ABCC8: variants seen among roughly 807,000 people sequenced by gnomAD.
The protein encoded by ABCC8 is ATP binding cassette subfamily C member 8, also known as ATP-binding cassette sub-family C member 8.
In ABCC8, 137 loss-of-function variants were observed where a neutral mutation model predicts 188.0. The ratio of observed to expected loss-of-function variants is 0.73; its 90% confidence interval spans 0.63 to 0.84. ABCC8 has a LOEUF of 0.84. ABCC8 is among the 40% of genes least tolerant of loss of function. ABCC8 has a pLI of 0.00. For missense variants in ABCC8, 1,750 were observed against 2,072.7 expected, an observed-to-expected ratio of 0.84 and a Z score of 3.02; for synonymous variants, 797 against 846.5, an observed-to-expected ratio of 0.94 and a Z score of 1.01.
intron 19 of ABCC8, among the ~76,000 whole-genome samples, chr11:17,413,836 G>T (rs2133475472): frequency 6.6e-6 from 1 of 152,300 alleles, no homozygotes; most frequent in Non-Finnish European, 1.5e-5. Context: ...CAGTAATGAT[G>T]ATGGCTGGTC....
At chr11:17,430,619 C>G in intron 12 of ABCC8, 195 bp downstream of exon 12, 1 of 715,636 alleles carries the variant, frequency 1.4e-6, no homozygotes, top group East Asian at 2.5e-5. Context: ...TAAGCAAGTC[C>G]TTGCTCAGGG....
chr11:17,460,865 C>T, intron 5 of ABCC8, 189 bp from the exon 6 acceptor site: 1 of 1,192,200 alleles, frequency 8.4e-7, no homozygotes, highest in South Asian at 1.5e-5. Context: ...CTATCAACAC[C>T]AACATGGTCT....
chr11:17,425,648 T>C (rs1955546627), intron 16 of ABCC8, among the ~76,000 whole-genome samples: 1 of 152,170 alleles, frequency 6.6e-6, no homozygotes, highest in Admixed American at 6.5e-5. Flanking sequence ...ATTTCTCAGT[T>C]CCTATTTTCT....
intron 11 of ABCC8, among the ~76,000 whole-genome samples, chr11:17,431,229 G>A (rs1473108748): frequency 6.6e-6 from 1 of 152,260 alleles, no homozygotes; most frequent in African/African-American, 2.4e-5. Context: ...CTGGGAATAA[G>A]CAGGGAGGAG....
intron 7 of ABCC8, among the ~76,000 whole-genome samples, chr11:17,449,515 C>G (rs1956676135): frequency 6.6e-6 from 1 of 152,234 alleles, no homozygotes; most frequent in African/African-American, 2.4e-5. Context: ...CCCAAGGACC[C>G]TCACAGGGCA....
Position 17,428,424 on chromosome 11 carries a change from T to C in ABCC8, c.1924-19A>G. 6.2e-7 allele frequency: 1 copy of C among 1,609,704 alleles called. No homozygotes were observed. On this transcript the variant is annotated intron_variant, in intron 13 of 38. Coordinates refer to ENST00000389817, the MANE Select transcript of ABCC8 (RefSeq NM_000352.6). ...TGAGGGGCTGGGGGTGGTTTGGAGG[T>C]GAGGACCCACTGGGCTGGGAGCTGT...
Position 17,414,583 on chromosome 11 carries a change from C to T in ABCC8, c.2319G>A (p.Ser773=), listed in dbSNP as rs766321878. Residue 773 remains serine (S), a synonymous_variant, in exon 19 of 39, where the codon TCG becomes TCA. Coordinates refer to ENST00000389817, the MANE Select transcript of ABCC8 (RefSeq NM_000352.6). The part of the protein sequence containing the change: ...IRKRGPVAYA[S]QKPWLLNATV... ...TGGCATTTAGCAGCCATGGTTTCTG[C>T]GAAGCATAGGCCACGGGGCCTCTCT... 8.7e-6 allele frequency: 14 copies of T among 1,614,090 alleles called. No homozygotes were observed. In the East Asian group the frequency reaches 1.1e-4, roughly 13 times the overall value.
chr11:17,432,593 C>T (rs1482188076), intron 10 of ABCC8, among the ~76,000 whole-genome samples: 2 of 152,192 alleles, frequency 1.3e-5, no homozygotes, highest in African/African-American at 4.8e-5. Flanking sequence ...TCTGGGGGCA[C>T]AAAGCTGCCA....
chr11:17,445,925 A>G (rs544549770), intron 8 of ABCC8, among the ~76,000 whole-genome samples: 1 of 151,938 alleles, frequency 6.6e-6, no homozygotes, highest in East Asian at 1.9e-4. Context: ...AGTACTAGTA[A>G]CGGTAACCGT....
intron 16 of ABCC8, among the ~76,000 whole-genome samples, chr11:17,423,548 G>T (rs1167673495): frequency 6.6e-6 from 1 of 152,094 alleles, no homozygotes; most frequent in Non-Finnish European, 1.5e-5. Flanking sequence ...GCTAACAAAT[G>T]CACTTCACTA....
At chr11:17,399,892 A>G (rs1056496247) in intron 29 of ABCC8, among the ~76,000 whole-genome samples, 1 of 152,084 alleles carries the variant, frequency 6.6e-6, no homozygotes, top group Non-Finnish European at 1.5e-5. Flanking sequence ...CTGCGCATGG[A>G]CCTGCCTCCT....
intron 6 of ABCC8, 75 bp downstream of exon 6, chr11:17,460,413 A>G (rs578031655): frequency 1.2e-6 from 2 of 1,607,060 alleles, no homozygotes; most frequent in Non-Finnish European, 1.7e-6. Flanking sequence ...GCTCACACAC[A>G]TTGGCCTGTT....
At chr11:17,433,245 T>A (rs1955928378) in intron 10 of ABCC8, among the ~76,000 whole-genome samples, 1 of 152,172 alleles carries the variant, frequency 6.6e-6, no homozygotes. Context: ...CCATCTATCC[T>A]CTTTCATTCA....
intron 10 of ABCC8, among the ~76,000 whole-genome samples, chr11:17,438,502 G>A (rs1427674222): frequency 6.6e-6 from 1 of 152,198 alleles, no homozygotes; most frequent in South Asian, 2.1e-4. Context: ...GCTCTGGAAT[G>A]GGTATCTCAC....
chr11:17,475,000 T>C lies in ABCC8; in HGVS notation c.176A>G (p.His59Arg). 6.2e-7 allele frequency: 1 copy of C among 1,614,150 alleles called. No homozygotes were observed. Among genetic ancestry groups the C allele is most frequent in the South Asian group, 1.1e-5 (1 of 91,070 alleles). The stretch of plus-strand genomic sequence containing the variant: ...ATGAAGCCATGTGCTGTGGTGGATG[T>C]GCACCTTGGAGCTCTGACTTCCCCA... The part of the protein sequence containing the change: ...IGWGSQSSKV[H>R]IHHSTWLHFP... The change falls in exon 2 of 39, where the codon CAC becomes CGC. Residue 59 changes from histidine (H) to arginine (R), a missense_variant. His to Arg is a conservative substitution (Grantham distance 29). Transcript: ENST00000389817.
At chr11:17,401,152 T>C (rs1954221205) in intron 29 of ABCC8, among the ~76,000 whole-genome samples, 1 of 152,170 alleles carries the variant, frequency 6.6e-6, no homozygotes, top group African/African-American at 2.4e-5. Context: ...CAGGGCCCTC[T>C]GAGACACCAA....
At chr11:17,441,863 C>T (rs559046255) in intron 10 of ABCC8, among the ~76,000 whole-genome samples, 7 of 152,234 alleles carry the variant, frequency 4.6e-5, no homozygotes, top group East Asian at 3.9e-4. Context: ...GGGTGGATCA[C>T]GAGGTCAGGA....
At chr11:17,398,152 G>C (rs1954042332) in intron 30 of ABCC8, among the ~76,000 whole-genome samples, 187 bp downstream of exon 30, 1 of 152,198 alleles carries the variant, frequency 6.6e-6, no homozygotes, top group African/African-American at 2.4e-5. Context: ...AAGCCTCCAG[G>C]CAGTGATATG....
chr11:17,428,587 G>A lies in ABCC8; in HGVS notation c.1901C>T (p.Pro634Leu). 1 of 1,614,112 alleles carries A rather than the reference G, an allele frequency of 6.2e-7. No individual in the cohort carries two copies. The highest frequency in any genetic ancestry group is 1.3e-5 in the African/African-American group (1 of 75,058). ...CACCACCGCCTGGTACTTGCTGGCT[G>A]GGCCCTGAGGTGTGGGCTCATGGGG... ...CAPHEPTPQG[P>L]ASKYQAVPLR... Residue 634 changes from proline (P) to leucine (L), a missense_variant, in exon 13 of 39, where the codon CCA becomes CTA. By Grantham distance (98) the Pro-to-Leu change is moderately conservative. Coordinates refer to ENST00000389817, the MANE Select transcript of ABCC8 (RefSeq NM_000352.6).
Sources: allele counts gnomAD v4.1 joint callset (sites outside exome capture counted in the v4.1 genomes callset), GRCh38; gene constraint gnomAD v4.1.1; transcripts MANE v1.5; gene names NCBI Gene and HGNC (gene_info 2026-07-23, HGNC 2026-07-21).